NPAS3: variants seen among roughly 807,000 people sequenced by gnomAD.
The protein encoded by NPAS3 is neuronal PAS domain protein 3, also known as neuronal PAS domain-containing protein 3.
Under a neutral mutation model 73.1 loss-of-function variants are expected in NPAS3, and 14 were observed. That is an observed-to-expected ratio of 0.19 (90% CI 0.13 to 0.30). The LOEUF (loss-of-function observed/expected upper bound fraction) is 0.30. NPAS3 is among the 10% of genes least tolerant of loss of function. NPAS3 has a pLI of 1.00. For synonymous variants in NPAS3, 620 were observed against 541.5 expected (o/e 1.14, Z -2.01); for missense variants, 1,096 against 1,250.0 (o/e 0.88, Z 1.86).
chr14:33,681,463 G>A (rs1041279981), intron 6 of NPAS3, among the ~76,000 whole-genome samples: 8 of 152,182 alleles, frequency 5.3e-5, no homozygotes, highest in African/African-American at 1.9e-4. Context: ...AGGTGTAATG[G>A]ATTTAATATT....
At chr14:33,273,411 C>T (rs1026023370) in intron 3 of NPAS3, among the ~76,000 whole-genome samples, 1 of 152,170 alleles carries the variant, frequency 6.6e-6, no homozygotes, top group Non-Finnish European at 1.5e-5. Flanking sequence ...TGAATCCTGA[C>T]TCTGCTCTTT....
chr14:33,549,122 G>A (rs1290507991), intron 4 of NPAS3, among the ~76,000 whole-genome samples: 1 of 152,132 alleles, frequency 6.6e-6, no homozygotes, highest in African/African-American at 2.4e-5. Flanking sequence ...TCATGTACTA[G>A]ATATAATTTG....
In NPAS3 at chr14:32,939,885, C is replaced by A. The variant is rs565762216; in HGVS notation, c.50+519C>A. On this transcript the variant is annotated intron_variant, in intron 1 of 11. Transcript: ENST00000356141. ...GGGGAGCGCGGAGCTCGCGCCAGGC[C>A]CGGAATGTGTCGCGGAGGGGCCGGC... is the stretch of plus-strand genomic sequence containing the variant. Among the ~76,000 whole-genome samples the A allele has an allele frequency of 2.6e-5, 4 of 152,002 alleles. 1 individual carries two copies. In the South Asian group the frequency reaches 8.3e-4, roughly 32 times the overall value.
intron 4 of NPAS3, among the ~76,000 whole-genome samples, chr14:33,533,704 AT>A (rs2054137630): frequency 6.6e-6 from 1 of 152,178 alleles, no homozygotes; most frequent in African/African-American, 2.4e-5. Flanking sequence ...GAATGGTTAA[AT>A]TTATTATGAA....
chr14:33,800,664 A>G lies in NPAS3; in HGVS notation c.2357A>G (p.Tyr786Cys), dbSNP rs1323220496. Residue 786 changes from tyrosine to cysteine, a missense_variant, in exon 12 of 12, where the codon TAC becomes TGC. Around this residue, in one of 5 missense-constraint regions of NPAS3, gnomAD observed 698 missense variants for 676.7 expected, o/e 1.03. Coordinates refer to ENST00000356141, the Ensembl canonical transcript of NPAS3. This position sits in a 1 kb window ranked among gnomAD's most constrained non-coding sequence, Gnocchi z 6.5. ...CCCAGCGCGTCCAACTCCTTGCTGTACACTGGGGACCTGGAGGCGCTGCAG... is the reference window on the plus strand; with the variant it reads ...CCCAGCGCGTCCAACTCCTTGCTGTGCACTGGGGACCTGGAGGCGCTGCAG... 3.9e-6 allele frequency: 6 copies of G among 1,542,096 alleles called. No individual in the cohort carries two copies. Among genetic ancestry groups the G allele is most frequent in the East Asian group, 2.4e-5 (1 of 40,912 alleles).
intron 4 of NPAS3, among the ~76,000 whole-genome samples, chr14:33,537,405 G>A (rs1293361507): frequency 6.6e-6 from 1 of 152,158 alleles, no homozygotes; most frequent in Non-Finnish European, 1.5e-5. Flanking sequence ...GTGGATTATT[G>A]TTAATGGTAA....
At chr14:33,215,953 T>A (rs899756443) in intron 3 of NPAS3, among the ~76,000 whole-genome samples, 22 of 152,344 alleles carry the variant, frequency 1.4e-4, no homozygotes, top group African/African-American at 5.1e-4. Flanking sequence ...AATATAAACA[T>A]ATATTTTTTA....
chr14:33,311,780 G>A (rs1006126635), intron 3 of NPAS3, among the ~76,000 whole-genome samples: 4 of 152,122 alleles, frequency 2.6e-5, no homozygotes, highest in African/African-American at 9.7e-5. Flanking sequence ...ATACCTATGG[G>A]TGATACAAAA....
At chr14:33,433,355 C>G (rs1594897275) in intron 4 of NPAS3, among the ~76,000 whole-genome samples, 1 of 152,166 alleles carries the variant, frequency 6.6e-6, no homozygotes, top group Non-Finnish European at 1.5e-5. Flanking sequence ...TATAGGGAAA[C>G]CACACAGCAT....
At chr14:33,422,056 G>A (rs1324351067) in intron 4 of NPAS3, among the ~76,000 whole-genome samples, 1 of 151,944 alleles carries the variant, frequency 6.6e-6, no homozygotes, top group East Asian at 1.9e-4. Flanking sequence ...CTTTCTGATA[G>A]TTGTCCTAAT....
chr14:33,175,978 A>G (rs942306675), intron 2 of NPAS3, among the ~76,000 whole-genome samples: 1 of 152,212 alleles, frequency 6.6e-6, no homozygotes, highest in Non-Finnish European at 1.5e-5. Flanking sequence ...AATGCTTGCT[A>G]TCATTTGTAT....
intron 5 of NPAS3, chr14:33,611,247 T>A (rs936825313): frequency 4.6e-5 from 7 of 150,668 alleles, no homozygotes; most frequent in African/African-American, 1.7e-4. Context: ...ATAGGTTTTG[T>A]AAACTACCAA....
rs1025931960 is a variant in NPAS3 at position 33,495,767 on chromosome 14, C to T, written c.469-64354C>T. 6.6e-5 allele frequency among the ~76,000 whole-genome samples: 10 copies of T among 151,814 alleles called. No individual in the cohort carries two copies. In the East Asian group the frequency reaches 7.8e-4, roughly 12 times the overall value. ...TTTTTTTTAATCTTTGTTTGTTTAA[C>T]GTCTGTTTTATCAGAGACTAGGATT... On this transcript the variant is annotated intron_variant, in intron 4 of 11. Transcript: ENST00000356141.
chr14:33,493,915 C>T (rs908735815), intron 4 of NPAS3, among the ~76,000 whole-genome samples: 3 of 152,066 alleles, frequency 2.0e-5, no homozygotes, highest in Admixed American at 6.6e-5. Context: ...TTAAAGAAAA[C>T]ACAATTTTAA....
chr14:33,253,661 A>G, intron 3 of NPAS3, among the ~76,000 whole-genome samples: 1 of 152,078 alleles, frequency 6.6e-6, no homozygotes, highest in Middle Eastern at 3.4e-3. Flanking sequence ...ATGTTCCTTA[A>G]TGGACTTTAT....
intron 2 of NPAS3, among the ~76,000 whole-genome samples, chr14:33,103,718 C>G (rs571687785): frequency 6.6e-6 from 1 of 152,306 alleles, no homozygotes; most frequent in African/African-American, 2.4e-5. Context: ...GGTGTTGGAA[C>G]AGCTTCACCT....
intron 2 of NPAS3, among the ~76,000 whole-genome samples, chr14:33,067,778 G>A (rs2041330633): frequency 6.6e-6 from 1 of 152,336 alleles, no homozygotes; most frequent in East Asian, 1.9e-4. Context: ...CTCCAGGACA[G>A]TGCCACCATT....
intron 1 of NPAS3, among the ~76,000 whole-genome samples, chr14:33,047,358 T>C (rs763300214): frequency 6.6e-6 from 1 of 152,144 alleles, no homozygotes; most frequent in Non-Finnish European, 1.5e-5. Context: ...CAAATCCCCA[T>C]TGTGCATGCT....
At chr14:33,345,796 T>A (rs2044699896) in intron 3 of NPAS3, among the ~76,000 whole-genome samples, 1 of 152,222 alleles carries the variant, frequency 6.6e-6, no homozygotes, top group Admixed American at 6.5e-5. Context: ...TTTTCGCATA[T>A]CAGCTAAGTA....
Sources: gnomAD v4.1 joint callset for allele counts (sites outside exome capture counted in the v4.1 genomes callset) on GRCh38, gnomAD v4.1.1 for gene constraint, gnomAD v4.1.1 regional missense constraint, Gnocchi (gnomAD v3.1) non-coding constraint, MANE v1.5 for transcripts, NCBI Gene and HGNC (gene_info 2026-07-23, HGNC 2026-07-21) for gene names.